COPB2: variants seen among roughly 807,000 people sequenced by gnomAD.
COPB2 encodes coatomer subunit beta'.
In COPB2, 16 loss-of-function variants were observed where a neutral mutation model predicts 120.8. The ratio of observed to expected loss-of-function variants is 0.13; its 90% CI spans 0.09 to 0.20. The LOEUF is 0.20. Among genes scored for constraint, COPB2 ranks in the 10% least tolerant of loss-of-function variants. The pLI, the probability that COPB2 is intolerant of heterozygous loss-of-function variation, is 1.00. For synonymous variants in COPB2, 332 were observed against 366.3 expected, an observed-to-expected ratio of 0.91 and a Z score of 1.07; for missense variants, 794 against 1,076.5, an observed-to-expected ratio of 0.74 and a Z score of 3.67.
rs562765397 is a variant in COPB2 at position 139,358,818 on chromosome 3, A to G, written c.2485-6T>C. On this transcript the variant is annotated splice_polypyrimidine_tract_variant and splice_region_variant and intron_variant, in intron 19 of 21. Transcript: ENST00000333188. Reference sequence around the variant, plus strand: ...ACATTTCTCTCTTCATTTGGCTATCAGAGAATAAAGCAATGATGAAATGAG... The same window carrying G: ...ACATTTCTCTCTTCATTTGGCTATCGGAGAATAAAGCAATGATGAAATGAG... The G allele has an allele frequency of 3.1e-6, 5 of 1,610,242 alleles. 1 individual carries two copies. The South Asian group carries it at 5.5e-5, about 18-fold the overall frequency.
Position 139,359,061 on chromosome 3 carries a change from A to C in COPB2, c.2421T>G (p.Val807=). 1 of 1,614,026 alleles carries C rather than the reference A, an allele frequency of 6.2e-7. No homozygotes were observed. Among genetic ancestry groups the C allele is most frequent in the Non-Finnish European group, 8.5e-7 (1 of 1,179,988 alleles). The change falls in exon 19 of 22, where the codon GTT becomes GTG. Residue 807 remains valine, a synonymous_variant. Coordinates refer to ENST00000333188, the MANE Select transcript of COPB2 (RefSeq NM_004766.3). ...CATGTGTTTCCTTCACCCATTCTTCAACAACAAAGGCTTCTTTTAATCCAG... is the reference window on the plus strand; with the variant it reads ...CATGTGTTTCCTTCACCCATTCTTCCACAACAAAGGCTTCTTTTAATCCAG... The part of the protein sequence containing the change: ...LFPGLKEAFV[V]EEWVKETHAD...
intron 10 of COPB2, among the ~76,000 whole-genome samples, chr3:139,370,587 C>T (rs1377433361): frequency 1.3e-5 from 2 of 152,212 alleles, no homozygotes; most frequent in Non-Finnish European, 2.9e-5. Context: ...AAAACTGTGA[C>T]AAATGGTTCA....
At chr3:139,385,034 T>C (rs1316770501) in intron 1 of COPB2, 1 of 152,216 alleles carries the variant, frequency 6.6e-6, no homozygotes. Flanking sequence ...AGTCTCGCTC[T>C]GTCGTCCAGG....
intron 20 of COPB2, 31 bp downstream of exon 20, chr3:139,358,713 C>G: frequency 6.6e-7 from 1 of 1,519,112 alleles, no homozygotes; most frequent in Non-Finnish European, 9.1e-7. Flanking sequence ...ACCATCTCAG[C>G]CAAATTTATC....
chr3:139,382,588 G>A (rs1941835238), intron 2 of COPB2: 1 of 152,222 alleles, frequency 6.6e-6, no homozygotes, highest in African/African-American at 2.4e-5. Flanking sequence ...GTTCCTTGAT[G>A]TCATTTTGCC....
intron 6 of COPB2, 64 bp downstream of exon 6, chr3:139,375,404 T>G (rs1941694627): frequency 1.3e-6 from 2 of 1,515,640 alleles, no homozygotes; most frequent in Admixed American, 1.9e-5. Context: ...AAGTCTTAAC[T>G]GTCCTATAAG....
intron 1 of COPB2, 104 bp from the exon 2 acceptor site, chr3:139,383,539 C>T (rs1326239832): frequency 1.9e-6 from 2 of 1,039,870 alleles, no homozygotes; most frequent in Non-Finnish European, 2.6e-6. Flanking sequence ...AATTCAGCTA[C>T]TACTTTGCTA....
intron 15 of COPB2, among the ~76,000 whole-genome samples, chr3:139,365,098 C>T (rs975450917): frequency 2.0e-5 from 3 of 151,918 alleles, no homozygotes; most frequent in Admixed American, 2.0e-4. Context: ...ATACAGAAAA[C>T]GAAGGATATC....
intron 15 of COPB2, among the ~76,000 whole-genome samples, chr3:139,363,208 C>G (rs1263453225): frequency 6.6e-6 from 1 of 152,164 alleles, no homozygotes. Context: ...GCATTAAGAA[C>G]AAGCTTTTAA....
At chr3:139,389,207 T>A (rs1422588758) in intron 1 of COPB2, among the ~76,000 whole-genome samples, 1 of 152,228 alleles carries the variant, frequency 6.6e-6, no homozygotes, top group African/African-American at 2.4e-5. Context: ...AGGCAAACTT[T>A]AGTTTTACCA....
chr3:139,358,086 A>G lies in COPB2; in HGVS notation c.2625+114T>C, dbSNP rs573200186. 1.1e-5 allele frequency: 12 copies of G among 1,075,114 alleles called. No homozygotes were observed. In the Admixed American group the frequency reaches 2.3e-4, roughly 20 times the overall value. 66.6% of individuals were successfully genotyped at this position (1,075,114 alleles called of 1,614,324 possible). On this transcript the variant is annotated intron_variant, in intron 21 of 21. Coordinates refer to ENST00000333188, the MANE Select transcript of COPB2 (RefSeq NM_004766.3). ...TCAAAAAGAGCATCTTCCCATTTCA[A>G]AGCCCCTGCTCTGAAACTGATGTCA...
intron 1 of COPB2, among the ~76,000 whole-genome samples, chr3:139,384,628 T>C (rs1576380295): frequency 6.6e-6 from 1 of 152,248 alleles, no homozygotes; most frequent in Non-Finnish European, 1.5e-5. Flanking sequence ...CGGTATGCAG[T>C]AGAACTGCTT....
chr3:139,358,170 A>G (rs1017342353), intron 21 of COPB2, 30 bp downstream of exon 21: 8 of 1,588,812 alleles, frequency 5.0e-6, no homozygotes, highest in Non-Finnish European at 6.9e-6. Flanking sequence ...GATGGGGTAG[A>G]GGGAGGTTTG....
intron 1 of COPB2, chr3:139,388,352 G>A (rs1576382410): frequency 6.9e-6 from 1 of 145,016 alleles, no homozygotes; most frequent in Non-Finnish European, 1.5e-5. Context: ...TCCGTGAAGC[G>A]TTCCATATTT....
At chr3:139,369,573 A>C (rs1276704119) in intron 10 of COPB2, 29 bp from the exon 11 acceptor site, 1 of 1,362,908 alleles carries the variant, frequency 7.3e-7, no homozygotes, top group Admixed American at 1.8e-5. Context: ...GGCAAACATA[A>C]CATGTTATAT....
chr3:139,380,003 CTTTTTTTTT>C (rs869062825), intron 2 of COPB2: 4 of 101,374 alleles, frequency 3.9e-5, no homozygotes, highest in Admixed American at 1.1e-4. Context: ...TTTTTCTTTT[CTTTTTTTTT>C]TTTTTTTTTT....
chr3:139,371,472 G>A (rs1941621635), intron 10 of COPB2, among the ~76,000 whole-genome samples: 1 of 152,160 alleles, frequency 6.6e-6, no homozygotes, highest in African/African-American at 2.4e-5. Context: ...AAAGAAATGG[G>A]TGCTGGGTCC....
At chr3:139,369,985 C>T (rs1434552584) in intron 10 of COPB2, among the ~76,000 whole-genome samples, 1 of 152,160 alleles carries the variant, frequency 6.6e-6, no homozygotes, top group Non-Finnish European at 1.5e-5. Context: ...TTATATGAAA[C>T]TCCAAAGACA....
At chr3:139,362,957 C>T (rs565856594) in intron 15 of COPB2, among the ~76,000 whole-genome samples, 2 of 152,346 alleles carry the variant, frequency 1.3e-5, no homozygotes, top group South Asian at 4.1e-4. Flanking sequence ...TAGAGATCAT[C>T]TAGTCCAACC....
Sources: allele counts gnomAD v4.1 joint callset (sites outside exome capture counted in the v4.1 genomes callset), GRCh38; gene constraint gnomAD v4.1.1; transcripts MANE v1.5; gene names NCBI Gene and HGNC (gene_info 2026-07-23, HGNC 2026-07-21).